The following KLRK1 variants were observed in gnomAD, a reference collection of about 807,000 sequenced individuals.
KLRK1 encodes NKG2-D type II integral membrane protein.
KLRK1 carries 40 observed loss-of-function variants against 31.3 expected under a neutral mutation model. That is an observed-to-expected ratio of 1.28 (90% CI 0.99 to 1.67). The LOEUF is 1.67. KLRK1 is among the 40% of genes most tolerant of loss of function. KLRK1 has a pLI of 0.00. For missense variants in KLRK1, 251 were observed against 260.0 expected (o/e 0.97, Z 0.24); for synonymous variants, 77 against 77.3 (o/e 1.00, Z 0.02).
chr12:10,378,463 T>C lies in KLRK1; in HGVS notation c.429+91A>G, dbSNP rs1410818955. The C allele has an allele frequency of 4.5e-6, 7 of 1,557,728 alleles. No homozygotes were observed. The African/African-American group carries it at 8.3e-5, about 19-fold the overall frequency. On this transcript the variant is annotated intron_variant, in intron 6 of 7. Coordinates refer to ENST00000240618, the MANE Select transcript of KLRK1 (RefSeq NM_007360.4). ...TGGTATTAGAATAACCAAGTCACAGTGTCCCTTATATGTTCTAGGTTCATA... is the reference window on the plus strand; with the variant it reads ...TGGTATTAGAATAACCAAGTCACAGCGTCCCTTATATGTTCTAGGTTCATA...
chr12:10,386,038 G>A (rs574386297), intron 3 of KLRK1, among the ~76,000 whole-genome samples: 40 of 147,796 alleles, frequency 2.7e-4, no homozygotes, highest in South Asian at 8.5e-4. Flanking sequence ...TCCTCATGGC[G>A]TATAAGGATA....
At chr12:10,374,818 A>G (rs989726031) in intron 7 of KLRK1, among the ~76,000 whole-genome samples, 3 of 152,206 alleles carry the variant, frequency 2.0e-5, no homozygotes, top group Admixed American at 1.3e-4. Flanking sequence ...CTCTGACTAG[A>G]GTTTGAAGCT....
At chr12:10,378,386 G>A in intron 6 of KLRK1, 151 bp from the exon 7 acceptor site, 1 of 1,336,286 alleles carries the variant, frequency 7.5e-7, no homozygotes, top group Non-Finnish European at 1.0e-6. Context: ...ACACATACAT[G>A]ATACCTACAA....
intron 3 of KLRK1, among the ~76,000 whole-genome samples, chr12:10,382,989 CA>C (rs1228416824): frequency 2.0e-5 from 3 of 151,422 alleles, no homozygotes; most frequent in Non-Finnish European, 4.4e-5. Flanking sequence ...ACAGTAACCA[CA>C]AAACAAAAAC....
At chr12:10,384,215 C>T (rs554336413) in intron 3 of KLRK1, among the ~76,000 whole-genome samples, 5 of 151,996 alleles carry the variant, frequency 3.3e-5, no homozygotes, top group South Asian at 2.1e-4. Flanking sequence ...ATTCCTAACA[C>T]GATACCAGTA....
intron 7 of KLRK1, 124 bp from the exon 8 acceptor site, chr12:10,373,355 G>A (rs981559698): frequency 2.7e-4 from 189 of 693,298 alleles, no homozygotes; most frequent in Middle Eastern, 4.3e-4. Flanking sequence ...TATGGACCAT[G>A]CCTGGTCCTA....
intron 3 of KLRK1, 68 bp from the exon 4 acceptor site, chr12:10,379,860 ATAAATAT>A: frequency 7.9e-6 from 11 of 1,398,854 alleles, no homozygotes; most frequent in Non-Finnish European, 1.1e-5. Context: ...TGTATTTAAT[ATAAATAT>A]TAGAGTTTTT....
rs747854009 is a variant in KLRK1 at position 10,386,886 on chromosome 12, T to C, written c.148+17A>G. Reference sequence around the variant, plus strand: ...TTTCAATATACTGAGAGTAGACAAATGGAACATAGGACTTACCATTTTCTC... The same window carrying C: ...TTTCAATATACTGAGAGTAGACAAACGGAACATAGGACTTACCATTTTCTC... On this transcript the variant is annotated intron_variant, in intron 3 of 7. Transcript: ENST00000240618. The C allele has an allele frequency of 1.9e-6, 3 of 1,593,656 alleles. No individual in the cohort carries two copies. The South Asian group carries it at 3.4e-5, about 18-fold the overall frequency.
chr12:10,373,828 A>G (rs1243943967), intron 7 of KLRK1, among the ~76,000 whole-genome samples: 1 of 152,142 alleles, frequency 6.6e-6, no homozygotes, highest in African/African-American at 2.4e-5. Flanking sequence ...GTTTTCTTTC[A>G]TAAGAGATGG....
intron 7 of KLRK1, among the ~76,000 whole-genome samples, chr12:10,375,409 G>T (rs11834853): frequency 0.086 from 13,123 of 152,094 alleles, 1,861 homozygotes; most frequent in African/African-American, 0.3. Context: ...TATACCATTA[G>T]AATTAGGTTA....
intron 3 of KLRK1, among the ~76,000 whole-genome samples, chr12:10,380,884 C>T (rs1269194114): frequency 2.6e-5 from 4 of 152,106 alleles, no homozygotes; most frequent in African/African-American, 7.2e-5. Context: ...CACCAAAGTA[C>T]GCTCTGCCCT....
intron 7 of KLRK1, among the ~76,000 whole-genome samples, chr12:10,376,117 T>G (rs1271734229): frequency 6.6e-6 from 1 of 152,144 alleles, no homozygotes; most frequent in Non-Finnish European, 1.5e-5. Flanking sequence ...CTGAAAAGAT[T>G]TAGGGTAAAC....
At chr12:10,384,480 C>T (rs951314689) in intron 3 of KLRK1, among the ~76,000 whole-genome samples, 1 of 151,850 alleles carries the variant, frequency 6.6e-6, no homozygotes, top group Non-Finnish European at 1.5e-5. Flanking sequence ...TCCAGAAAGT[C>T]ACCAATAACA....
intron 1 of KLRK1, among the ~76,000 whole-genome samples, chr12:10,389,524 G>A (rs1863235911): frequency 6.6e-6 from 1 of 152,122 alleles, no homozygotes; most frequent in African/African-American, 2.4e-5. Flanking sequence ...GATTATGATA[G>A]TTGGAAAGCA....
At position 10,388,850 on chromosome 12, in the gene KLRK1, T is replaced by G. The variant is rs1457569402; in HGVS notation, c.-40A>C. On this transcript the variant is annotated 5_prime_UTR_variant, in exon 2 of 8. Transcript: ENST00000240618. ...TGCACGTCTACCGCAGAGAGGAATC[T>G]AAAGTCTTCAATGCACAAAGGATTC... The G allele has an allele frequency of 1.2e-6, 2 of 1,612,842 alleles. No homozygotes were observed. Among genetic ancestry groups the G allele is most frequent in the Non-Finnish European group, 1.7e-6 (2 of 1,179,204 alleles).
intron 3 of KLRK1, 104 bp downstream of exon 3, chr12:10,386,799 T>C (rs541778726): frequency 1.5e-6 from 1 of 650,382 alleles, no homozygotes; most frequent in East Asian, 3.3e-5. Context: ...CCTGCTTTCC[T>C]CATGAAGATA....
intron 7 of KLRK1, among the ~76,000 whole-genome samples, chr12:10,374,397 C>CTT (rs35414446): frequency 0.015 from 2,030 of 131,820 alleles, 70 homozygotes; most frequent in African/African-American, 0.059. Flanking sequence ...TCCTCTCTCT[C>CTT]TTTTTTTTTT....
chr12:10,384,571 C>T (rs909710711), intron 3 of KLRK1, among the ~76,000 whole-genome samples: 8 of 151,924 alleles, frequency 5.3e-5, no homozygotes, highest in African/African-American at 1.9e-4. Context: ...ATTAGACCCT[C>T]ATCTCACACC....
chr12:10,385,945 T>G (rs1465738861), intron 3 of KLRK1, among the ~76,000 whole-genome samples: 1 of 151,258 alleles, frequency 6.6e-6, no homozygotes, highest in Non-Finnish European at 1.5e-5. Flanking sequence ...ATATTAAAAA[T>G]ACATTTTAAA....
Sources: gnomAD v4.1 joint callset for allele counts (sites outside exome capture counted in the v4.1 genomes callset) on GRCh38, gnomAD v4.1.1 for gene constraint, MANE v1.5 for transcripts, NCBI Gene and HGNC (gene_info 2026-07-23, HGNC 2026-07-21) for gene names.